SLC16A7: variants seen among roughly 807,000 people sequenced by gnomAD.
SLC16A7 encodes solute carrier family 16 member 7, also known as monocarboxylate transporter 2.
A neutral mutation model predicts 34.9 loss-of-function variants in SLC16A7; 33 were observed. That is an observed-to-expected ratio of 0.94 (90% CI 0.72 to 1.26). SLC16A7 has a LOEUF of 1.26. Among genes scored for constraint, SLC16A7 ranks in the 50% most tolerant of loss-of-function variants. The probability of loss-of-function intolerance (pLI) is 0.00; values close to 1 mark genes in which losing one functional copy is unlikely to be tolerated. For synonymous variants in SLC16A7, 201 were observed against 206.6 expected, an observed-to-expected ratio of 0.97 and a Z score of 0.23; for missense variants, 573 against 578.1, an observed-to-expected ratio of 0.99 and a Z score of 0.09.
At chr12:59,602,591 C>T (rs1347425615) in intron 1 of SLC16A7, among the ~76,000 whole-genome samples, 1 of 146,010 alleles carries the variant, frequency 6.8e-6, no homozygotes, top group Non-Finnish European at 1.5e-5. Flanking sequence ...TCAAGTGATT[C>T]TCCTGCCCCA....
intron 3 of SLC16A7, among the ~76,000 whole-genome samples, chr12:59,710,030 C>T (rs1055789886): frequency 6.6e-6 from 1 of 151,630 alleles, no homozygotes; most frequent in Non-Finnish European, 1.5e-5. Context: ...TGTGTAACAA[C>T]AATATAAGTT....
At chr12:59,677,948 C>G (rs770193012) in intron 2 of SLC16A7, among the ~76,000 whole-genome samples, 1 of 152,026 alleles carries the variant, frequency 6.6e-6, no homozygotes, top group Non-Finnish European at 1.5e-5. Flanking sequence ...TTACTTGAGC[C>G]TGGTGGACTC....
At chr12:59,708,960 C>A (rs1440695888) in intron 3 of SLC16A7, among the ~76,000 whole-genome samples, 1 of 151,552 alleles carries the variant, frequency 6.6e-6, no homozygotes, top group Non-Finnish European at 1.5e-5. Flanking sequence ...CAAATTTTAG[C>A]AAATAGGTCA....
chr12:59,683,621 A>G (rs1485734064), intron 2 of SLC16A7, among the ~76,000 whole-genome samples: 1 of 152,250 alleles, frequency 6.6e-6, no homozygotes, highest in Non-Finnish European at 1.5e-5. Context: ...TGGGGTGCCC[A>G]TTTGAAAATA....
chr12:59,620,281 G>A (rs554528929), intron 1 of SLC16A7, among the ~76,000 whole-genome samples: 1 of 151,968 alleles, frequency 6.6e-6, no homozygotes, highest in South Asian at 2.1e-4. Flanking sequence ...TAGATTCATT[G>A]TTGAGATTCT....
At chr12:59,665,189 A>G (rs1218749316) in intron 2 of SLC16A7, among the ~76,000 whole-genome samples, 1 of 152,158 alleles carries the variant, frequency 6.6e-6, no homozygotes, top group Non-Finnish European at 1.5e-5. Flanking sequence ...TTATGAAACT[A>G]TCAATTGTGG....
chr12:59,754,139 C>T (rs965900045), intron 3 of SLC16A7, among the ~76,000 whole-genome samples: 6 of 151,956 alleles, frequency 3.9e-5, no homozygotes, highest in African/African-American at 1.5e-4. Context: ...CACTAAATGC[C>T]CACAAGAGAA....
chr12:59,622,273 T>C (rs1219655585), intron 1 of SLC16A7, among the ~76,000 whole-genome samples: 1 of 151,814 alleles, frequency 6.6e-6, no homozygotes, highest in Non-Finnish European at 1.5e-5. Flanking sequence ...TGAAAAAACG[T>C]AGGTTGTTGT....
chr12:59,711,711 T>C (rs986023230), intron 3 of SLC16A7, among the ~76,000 whole-genome samples: 6 of 151,896 alleles, frequency 4.0e-5, no homozygotes, highest in African/African-American at 1.5e-4. Flanking sequence ...ACAGACGAGG[T>C]TTTACTAGTC....
intron 3 of SLC16A7, among the ~76,000 whole-genome samples, chr12:59,710,294 A>C (rs989280296): frequency 6.6e-6 from 1 of 152,188 alleles, no homozygotes; most frequent in Non-Finnish European, 1.5e-5. Flanking sequence ...TCAAATGAAA[A>C]AGAAGTTGTG....
At position 59,781,041 on chromosome 12, in the gene SLC16A7, A is replaced by G. The variant is rs1883210580; in HGVS notation, c.*1362A>G. On this transcript the variant is annotated 3_prime_UTR_variant, in exon 6 of 6. Coordinates refer to ENST00000547379, the MANE Select transcript of SLC16A7 (RefSeq NM_001270623.2). ...CACTGTATGACTTGCAATCGTAGGT[A>G]TAGTTTATAACCTGATAGCAAAAAA... 6.6e-6 allele frequency: 1 copy of G among 152,166 alleles called. No homozygotes were observed. The highest frequency in any genetic ancestry group is 6.6e-5 in the Admixed American group (1 of 15,248). 9.4% of individuals were successfully genotyped at this position (152,166 alleles called of 1,614,324 possible). A position where few individuals can be genotyped will look rare whatever the true frequency, so the allele number is the denominator to read the frequency against.
At chr12:59,699,473 T>C (rs932952006) in intron 2 of SLC16A7, among the ~76,000 whole-genome samples, 1 of 151,734 alleles carries the variant, frequency 6.6e-6, no homozygotes, top group Non-Finnish European at 1.5e-5. Flanking sequence ...CAAGGAGAAC[T>C]CTTATGCACT....
chr12:59,612,929 T>C (rs1879267647), intron 1 of SLC16A7, among the ~76,000 whole-genome samples: 1 of 152,250 alleles, frequency 6.6e-6, no homozygotes, highest in Non-Finnish European at 1.5e-5. Flanking sequence ...CATCTCCCTG[T>C]CTTCTTCTGA....
chr12:59,635,437 T>C (rs1181908004), intron 1 of SLC16A7, among the ~76,000 whole-genome samples: 1 of 152,084 alleles, frequency 6.6e-6, no homozygotes, highest in Non-Finnish European at 1.5e-5. Flanking sequence ...TTACAAATCA[T>C]GCAATGCAAT....
At chr12:59,751,858 A>C (rs1465727577) in intron 3 of SLC16A7, among the ~76,000 whole-genome samples, 1 of 152,102 alleles carries the variant, frequency 6.6e-6, no homozygotes, top group African/African-American at 2.4e-5. Context: ...GGCACCCCGC[A>C]GTTGGGGCAG....
chr12:59,702,131 A>C (rs1872959170), intron 2 of SLC16A7, among the ~76,000 whole-genome samples: 1 of 151,890 alleles, frequency 6.6e-6, no homozygotes, highest in South Asian at 2.1e-4. Flanking sequence ...TATAGTAATA[A>C]AATTTAGTAA....
At chr12:59,625,891 A>G (rs565120943) in intron 1 of SLC16A7, among the ~76,000 whole-genome samples, 71 of 151,970 alleles carry the variant, frequency 4.7e-4, no homozygotes, top group African/African-American at 1.7e-3. Flanking sequence ...AAAAATTACC[A>G]TATAATTCCC....
Position 59,670,602 on chromosome 12 carries a change from C to T in SLC16A7, c.-31+15352C>T, listed in dbSNP as rs550140828. 4.0e-4 allele frequency among the ~76,000 whole-genome samples: 61 copies of T among 152,190 alleles called. No individual in the cohort carries two copies. In the South Asian group the frequency reaches 0.012, roughly 30 times the overall value. ...CCTCTCCATCTGTGAATCTGTGAAA[C>T]ATAGAAAATAGGTCATCTATTCCCA... On this transcript the variant is annotated intron_variant, in intron 2 of 5. Transcript: ENST00000547379.
rs569293261 is a variant in SLC16A7 at position 59,613,315 on chromosome 12, G to A, written c.-130+17079G>A. ...AAAGCATGAGGGAAACCACCCCATG[G>A]TTAAATTCCACCCACCAGGTCCCTT... On this transcript the variant is annotated intron_variant, in intron 1 of 5. Coordinates refer to ENST00000547379, the MANE Select transcript of SLC16A7 (RefSeq NM_001270623.2). 5.3e-5 allele frequency among the ~76,000 whole-genome samples: 8 copies of A among 152,284 alleles called. No homozygotes were observed. In the South Asian group the frequency reaches 1.7e-3, roughly 32 times the overall value.
Sources: gnomAD v4.1 joint callset for allele counts (sites outside exome capture counted in the v4.1 genomes callset) on GRCh38, gnomAD v4.1.1 for gene constraint, MANE v1.5 for transcripts, NCBI Gene and HGNC (gene_info 2026-07-23, HGNC 2026-07-21) for gene names.